SDK1: variants seen among roughly 807,000 people sequenced by gnomAD.
The protein encoded by SDK1 is protein sidekick-1.
Under a neutral mutation model 245.5 loss-of-function variants are expected in SDK1, and 157 were observed. That is an observed-to-expected ratio of 0.64 (90% CI 0.56 to 0.73). The LOEUF is 0.73. SDK1 is among the 30% of genes least tolerant of loss of function. The probability of loss-of-function intolerance (pLI) is 0.00; values close to 1 mark genes in which losing one functional copy is unlikely to be tolerated. For missense variants in SDK1, 3,583 were observed against 3,002.3 expected (o/e 1.19, Z -4.52); for synonymous variants, 1,647 against 1,278.5 (o/e 1.29, Z -6.15).
intron 25 of SDK1, among the ~76,000 whole-genome samples, chr7:4,120,626 C>G (rs1783993447): frequency 1.5e-5 from 2 of 137,898 alleles, no homozygotes; most frequent in Non-Finnish European, 3.3e-5. Context: ...AAATAATACT[C>G]TTTTTTTTGA....
intron 32 of SDK1, among the ~76,000 whole-genome samples, chr7:4,166,302 A>G (rs1781496594): frequency 6.6e-6 from 1 of 152,252 alleles, no homozygotes; most frequent in East Asian, 1.9e-4. Context: ...CAACACCTGC[A>G]TGGAGTGCTG....
At chr7:3,640,706 C>T (rs1037765824) in intron 3 of SDK1, among the ~76,000 whole-genome samples, 2 of 150,890 alleles carry the variant, frequency 1.3e-5, no homozygotes, top group East Asian at 1.9e-4. Flanking sequence ...TTTTTTGAGA[C>T]GGAGTCTGGC....
intron 1 of SDK1, among the ~76,000 whole-genome samples, chr7:3,544,733 A>G (rs573712996): frequency 6.6e-6 from 1 of 152,288 alleles, no homozygotes; most frequent in South Asian, 2.1e-4. Context: ...AAATCAGGAA[A>G]TCTAGGTTAT....
chr7:3,307,508 A>T (rs1420302754), intron 1 of SDK1, among the ~76,000 whole-genome samples: 1 of 152,184 alleles, frequency 6.6e-6, no homozygotes, highest in Non-Finnish European at 1.5e-5. Context: ...AAATCCAAAT[A>T]CAAAAATCAT....
intron 19 of SDK1, among the ~76,000 whole-genome samples, chr7:4,061,072 G>A (rs972240091): frequency 6.6e-6 from 1 of 152,202 alleles, no homozygotes; most frequent in African/African-American, 2.4e-5. Flanking sequence ...AAGTCAGGTA[G>A]CGTGATGCTT....
intron 4 of SDK1, among the ~76,000 whole-genome samples, chr7:3,767,581 T>TC (rs1361884835): frequency 6.6e-6 from 1 of 152,230 alleles, no homozygotes; most frequent in Non-Finnish European, 1.5e-5. Context: ...GTAAATACTT[T>TC]ACATGTGCCA....
chr7:4,162,607 C>T (rs1429649016), intron 32 of SDK1, among the ~76,000 whole-genome samples: 1 of 151,964 alleles, frequency 6.6e-6, no homozygotes, highest in African/African-American at 2.4e-5. Context: ...ACCATGTTGA[C>T]CAGGCTGATC....
chr7:3,527,037 T>C (rs1344268235), intron 1 of SDK1, among the ~76,000 whole-genome samples: 1 of 152,212 alleles, frequency 6.6e-6, no homozygotes, highest in East Asian at 1.9e-4. Context: ...GATGCATTTC[T>C]GGTTTGGTCT....
intron 1 of SDK1, among the ~76,000 whole-genome samples, chr7:3,323,499 C>T (rs1779868534): frequency 6.6e-6 from 1 of 152,152 alleles, no homozygotes; most frequent in Non-Finnish European, 1.5e-5. Context: ...CATTGCTGGT[C>T]ATGTTCAGTT....
intron 1 of SDK1, among the ~76,000 whole-genome samples, chr7:3,394,050 G>A (rs1399530792): frequency 6.6e-6 from 1 of 152,102 alleles, no homozygotes; most frequent in Non-Finnish European, 1.5e-5. Flanking sequence ...GCACCCTAAG[G>A]CCAGTAACAC....
chr7:3,595,951 T>C (rs1781047534), intron 1 of SDK1, among the ~76,000 whole-genome samples: 1 of 124,766 alleles, frequency 8.0e-6, no homozygotes, highest in Non-Finnish European at 1.6e-5. Context: ...GTCTAATGGG[T>C]ATTTTTTTTT....
chr7:4,241,968 G>C (rs1030470585), intron 43 of SDK1, 55 bp downstream of exon 43: 1 of 1,593,128 alleles, frequency 6.3e-7, no homozygotes, highest in African/African-American at 1.3e-5. Flanking sequence ...GCCAGGGCTG[G>C]GGTGGCAGCC....
chr7:4,033,046 C>T (rs1013100402), intron 17 of SDK1, among the ~76,000 whole-genome samples: 1 of 152,172 alleles, frequency 6.6e-6, no homozygotes, highest in Non-Finnish European at 1.5e-5. Flanking sequence ...GTGGACTAGT[C>T]TCCTTTAGGT....
At chr7:3,362,656 G>C (rs551308000) in intron 1 of SDK1, among the ~76,000 whole-genome samples, 2 of 152,106 alleles carry the variant, frequency 1.3e-5, no homozygotes, top group South Asian at 4.1e-4. Flanking sequence ...CATTTACTTT[G>C]TAAGCCAGCA....
At chr7:3,410,942 C>T (rs1344107353) in intron 1 of SDK1, among the ~76,000 whole-genome samples, 2 of 152,056 alleles carry the variant, frequency 1.3e-5, no homozygotes, top group South Asian at 4.1e-4. Flanking sequence ...AAATAAACAC[C>T]TCAACAGAGG....
chr7:4,047,982 G>A (rs1036144871), intron 17 of SDK1, among the ~76,000 whole-genome samples: 1 of 152,168 alleles, frequency 6.6e-6, no homozygotes, highest in African/African-American at 2.4e-5. Context: ...GGGCCGAGGG[G>A]CATCACAGCC....
chr7:3,761,310 G>A (rs988017930), intron 4 of SDK1, among the ~76,000 whole-genome samples: 1 of 112,032 alleles, frequency 8.9e-6, no homozygotes, highest in African/African-American at 3.5e-5. Flanking sequence ...TTAGTTATTA[G>A]GTGGCAACTC....
intron 1 of SDK1, among the ~76,000 whole-genome samples, chr7:3,399,068 T>C (rs1424154693): frequency 6.6e-6 from 1 of 152,144 alleles, no homozygotes; most frequent in Admixed American, 6.5e-5. Context: ...TCTTTCTCTC[T>C]TCTTTTAGGA....
At chr7:4,142,094 T>C (rs1779618290) in intron 28 of SDK1, among the ~76,000 whole-genome samples, 1 of 152,216 alleles carries the variant, frequency 6.6e-6, no homozygotes, top group South Asian at 2.1e-4. Context: ...GAAGAAATCT[T>C]TTTAGCCACT....
Sources: allele counts gnomAD v4.1 joint callset (sites outside exome capture counted in the v4.1 genomes callset), GRCh38; gene constraint gnomAD v4.1.1; transcripts MANE v1.5; gene names NCBI Gene and HGNC (gene_info 2026-07-23, HGNC 2026-07-21).